CTSB: variants seen among roughly 807,000 people sequenced by gnomAD.
The protein encoded by CTSB is APP secretase.
A neutral mutation model predicts 44.3 loss-of-function variants in CTSB; 57 were observed. The ratio of observed to expected loss-of-function variants is 1.29; its 90% CI spans 1.04 to 1.60. The LOEUF is 1.60. Among genes scored for constraint, CTSB ranks in the 40% most tolerant of loss-of-function variants. The probability of loss-of-function intolerance (pLI) is 0.00; values close to 1 mark genes in which losing one functional copy is unlikely to be tolerated. For synonymous variants in CTSB, 320 were observed against 168.0 expected (o/e 1.91, Z -7.00); for missense variants, 768 against 443.0 (o/e 1.73, Z -6.59).
rs1358580360 is a variant in CTSB at position 11,848,012 on chromosome 8, G to C, written c.532+55C>G. On this transcript the variant is annotated intron_variant, in intron 6 of 9. Coordinates refer to ENST00000353047, the MANE Select transcript of CTSB (RefSeq NM_001908.5). Reference sequence around the variant, plus strand: ...TATAAAGGCAAATAAAGCCATGATGGTTAATTGCTCAAACAATCCATCTGG... The same window carrying C: ...TATAAAGGCAAATAAAGCCATGATGCTTAATTGCTCAAACAATCCATCTGG... 6 of 1,455,078 alleles carry C rather than the reference G, an allele frequency of 4.1e-6. No homozygotes were observed. The South Asian group carries it at 4.9e-5, about 12-fold the overall frequency. The allele number at this position is 1,455,078 out of a possible 1,614,324, so 90.1% of individuals were successfully genotyped here.
At chr8:11,860,970 G>A (rs1354595956) in intron 1 of CTSB, among the ~76,000 whole-genome samples, 1 of 152,244 alleles carries the variant, frequency 6.6e-6, no homozygotes, top group Non-Finnish European at 1.5e-5. Context: ...CTGGGTGGGA[G>A]TGTGCTGACC....
chr8:11,852,024 G>T (rs570582962), intron 3 of CTSB, among the ~76,000 whole-genome samples: 1 of 152,154 alleles, frequency 6.6e-6, no homozygotes, highest in Non-Finnish European at 1.5e-5. Context: ...TGCCCACATA[G>T]TGGGGACCCA....
chr8:11,851,012 T>G (rs1221350974), intron 3 of CTSB, 32 bp from the exon 4 acceptor site: 4 of 1,525,734 alleles, frequency 2.6e-6, no homozygotes, highest in Admixed American at 1.7e-5. Flanking sequence ...TTACAAGCTC[T>G]GATCCCACAA....
At position 11,848,050 on chromosome 8, in the gene CTSB, C is replaced by A. The variant is rs1322261802; in HGVS notation, c.532+17G>T. 3 of 1,592,708 alleles carry A rather than the reference C, an allele frequency of 1.9e-6. No homozygotes were observed. Among genetic ancestry groups the A allele is most frequent in the Admixed American group, 3.4e-5 (2 of 58,540 alleles). The stretch of plus-strand genomic sequence containing the variant: ...ACAATCCATCTGGCCAGAAAGTGGC[C>A]AAGGGGACACACTTACCTACATGGG... On this transcript the variant is annotated intron_variant, in intron 6 of 9. Transcript: ENST00000353047.
At chr8:11,855,094 C>A (rs1447941793) in intron 1 of CTSB, among the ~76,000 whole-genome samples, 1 of 152,200 alleles carries the variant, frequency 6.6e-6, no homozygotes, top group African/African-American at 2.4e-5. Context: ...ATGATCTCGG[C>A]TCACTGCAAC....
intron 5 of CTSB, chr8:11,848,822 C>G (rs1813960918): frequency 4.3e-6 from 2 of 466,132 alleles, no homozygotes; most frequent in Non-Finnish European, 8.0e-6. Context: ...GACTGTTTTG[C>G]TGGGATGCCA....
At chr8:11,860,244 G>A (rs539391224) in intron 1 of CTSB, among the ~76,000 whole-genome samples, 1 of 152,160 alleles carries the variant, frequency 6.6e-6, no homozygotes, top group Non-Finnish European at 1.5e-5. Flanking sequence ...AGAATTCTTA[G>A]CAAAGCTGTC....
In CTSB at chr8:11,850,858, G is replaced by T. The variant is rs748740952; in HGVS notation, c.327+8C>A. 6 of 1,603,522 alleles carry T rather than the reference G, an allele frequency of 3.7e-6. No individual in the cohort carries two copies. Among genetic ancestry groups the T allele is most frequent in the Non-Finnish European group, 3.4e-6 (4 of 1,171,636 alleles). ...CCAGCGCTTCCCCGCCAGCCAGCAG[G>T]GCCTTACCCAGCAGGAGCCACAGGA... On this transcript the variant is annotated splice_region_variant and intron_variant, in intron 4 of 9. Transcript: ENST00000353047.
chr8:11,864,763 A>T (rs1362002392), intron 1 of CTSB, among the ~76,000 whole-genome samples: 1 of 151,900 alleles, frequency 6.6e-6, no homozygotes, highest in Non-Finnish European at 1.5e-5. Flanking sequence ...AAAATACAAA[A>T]ATTAGCCAGG....
chr8:11,848,153 C>A lies in CTSB; in HGVS notation c.447-1G>T, dbSNP rs1813803398. 6.2e-7 allele frequency: 1 copy of A among 1,613,614 alleles called. No individual in the cohort carries two copies. ...TTCAGCAGGATAGCCACCATTACAG[C>A]TGAAAAGACAGCCTCTAATGAAAAC... On this transcript the variant is annotated splice_acceptor_variant, in intron 5 of 9. Coordinates refer to ENST00000353047, the MANE Select transcript of CTSB (RefSeq NM_001908.5). LOFTEE classifies it high-confidence loss of function.
chr8:11,863,860 T>A (rs1374947786), intron 1 of CTSB, among the ~76,000 whole-genome samples: 2 of 152,142 alleles, frequency 1.3e-5, no homozygotes, highest in East Asian at 3.9e-4. Flanking sequence ...GGAGAACCCT[T>A]TGCCAGCATC....
chr8:11,847,837 G>T lies in CTSB; in HGVS notation c.533-15C>A, dbSNP rs775406204. 3.8e-6 allele frequency: 6 copies of T among 1,571,076 alleles called. No individual in the cohort carries two copies. The highest frequency in any genetic ancestry group is 5.1e-6 in the Non-Finnish European group (6 of 1,165,300). ...CGGTCTGCACCCTGATGGGACGCGGGAGAAAGCGGAGTCAACCTACAGCCC... is the reference window on the plus strand; with the variant it reads ...CGGTCTGCACCCTGATGGGACGCGGTAGAAAGCGGAGTCAACCTACAGCCC... On this transcript the variant is annotated splice_polypyrimidine_tract_variant and intron_variant, in intron 6 of 9. Coordinates refer to ENST00000353047, the MANE Select transcript of CTSB (RefSeq NM_001908.5).
intron 1 of CTSB, chr8:11,857,997 A>T (rs1343321231): frequency 6.6e-6 from 1 of 152,230 alleles, no homozygotes; most frequent in Non-Finnish European, 1.5e-5. Context: ...CTGCATTTGG[A>T]TCTGGCTCTG....
chr8:11,864,561 A>G (rs1167471399), intron 1 of CTSB: 1 of 152,184 alleles, frequency 6.6e-6, no homozygotes, highest in African/African-American at 2.4e-5. Context: ...GGGGCAGCAG[A>G]CAGGGAATAC....
At chr8:11,858,567 G>C (rs1233552035) in intron 1 of CTSB, among the ~76,000 whole-genome samples, 1 of 152,174 alleles carries the variant, frequency 6.6e-6, no homozygotes, top group Non-Finnish European at 1.5e-5. Flanking sequence ...CGGGATTATA[G>C]GTGTGAGCCA....
intron 7 of CTSB, among the ~76,000 whole-genome samples, chr8:11,847,437 T>G (rs927861253): frequency 6.6e-6 from 1 of 152,062 alleles, no homozygotes; most frequent in African/African-American, 2.4e-5. Flanking sequence ...GCCACTCCCT[T>G]GTAAAAGGAG....
In CTSB at chr8:11,843,837, C is replaced by G. The variant is rs1047759600; in HGVS notation, c.*1288G>C. On this transcript the variant is annotated 3_prime_UTR_variant, in exon 10 of 10. Coordinates refer to ENST00000353047, the MANE Select transcript of CTSB (RefSeq NM_001908.5). The stretch of plus-strand genomic sequence containing the variant: ...CCTGAGGCCGGGAGTTTGAAACTAG[C>G]CTGGCCAACATGGTGAAATCCTGTA... 1 of 152,232 alleles carries G rather than the reference C, an allele frequency of 6.6e-6. No individual in the cohort carries two copies. Among genetic ancestry groups the G allele is most frequent in the African/African-American group, 2.4e-5 (1 of 41,438 alleles). The allele number at this position is 152,232 out of a possible 1,614,324, so 9.4% of individuals were successfully genotyped here.
Position 11,853,534 on chromosome 8 carries a change from A to G in CTSB, c.-25-55T>C, listed in dbSNP as rs941475141. The G allele has an allele frequency of 6.5e-6, 10 of 1,527,108 alleles. 1 individual carries two copies. Among genetic ancestry groups the G allele is most frequent in the Admixed American group, 1.8e-5 (1 of 54,656 alleles). 94.6% of individuals were successfully genotyped at this position (1,527,108 alleles called of 1,614,324 possible). A position where few individuals can be genotyped will look rare whatever the true frequency, so the allele number is the denominator to read the frequency against. On this transcript the variant is annotated intron_variant, in intron 1 of 9. Transcript: ENST00000353047. Reference sequence around the variant, plus strand: ...TCTCTGTTATGTGGGTCGAGGGCTCACACACACAGGGGCACCGTCTCGGGC... The same window carrying G: ...TCTCTGTTATGTGGGTCGAGGGCTCGCACACACAGGGGCACCGTCTCGGGC...
Position 11,843,212 on chromosome 8 carries a change from G to T in CTSB, c.*1913C>A, listed in dbSNP as rs182734347. 2 of 152,288 alleles carry T rather than the reference G, an allele frequency of 1.3e-5. No homozygotes were observed. The highest frequency in any genetic ancestry group is 1.3e-4 in the Admixed American group (2 of 15,282). The allele number at this position is 152,288 out of a possible 1,614,324, so 9.4% of individuals were successfully genotyped here. A position where few individuals can be genotyped will look rare whatever the true frequency, so the allele number is the denominator to read the frequency against. ...TCCTCCCACCTTGGCCTCCCAAAGT[G>T]CTGGGATTACAGGCGTGAGCCACGA... is the stretch of plus-strand genomic sequence containing the variant. On this transcript the variant is annotated 3_prime_UTR_variant, in exon 10 of 10. Transcript: ENST00000353047.
Sources: gnomAD v4.1 joint callset for allele counts (sites outside exome capture counted in the v4.1 genomes callset) on GRCh38, gnomAD v4.1.1 for gene constraint, MANE v1.5 for transcripts, NCBI Gene and HGNC (gene_info 2026-07-23, HGNC 2026-07-21) for gene names.